ATL1: variants seen among roughly 807,000 people sequenced by gnomAD.
ATL1 encodes the protein atlastin-1.
A neutral mutation model predicts 75.5 loss-of-function variants in ATL1; 31 were observed. The ratio of observed to expected loss-of-function variants is 0.41; its 90% CI spans 0.31 to 0.55. The LOEUF is 0.55. Ranked by LOEUF, ATL1 falls within the 20% of genes least tolerant of loss-of-function variation. The pLI is 0.27. For synonymous variants in ATL1, 226 were observed against 233.3 expected (o/e 0.97, Z 0.28); for missense variants, 405 against 662.6 (o/e 0.61, Z 4.27).
chr14:50,560,150 C>T lies in ATL1; in HGVS notation c.-116C>T. 7 of 1,251,014 alleles carry T rather than the reference C, an allele frequency of 5.6e-6. No individual in the cohort carries two copies. Among genetic ancestry groups the T allele is most frequent in the Non-Finnish European group, 8.0e-6 (7 of 871,154 alleles). 77.5% of individuals were successfully genotyped at this position (1,251,014 alleles called of 1,614,324 possible). ...AGCGCCACAGCAACATCCTCAGAGT[C>T]TGAGCGAACTGCGCCCAGCGCGGGC... On this transcript the variant is annotated 5_prime_UTR_variant, in exon 1 of 14. Coordinates refer to ENST00000358385, the MANE Select transcript of ATL1 (RefSeq NM_015915.5).
intron 6 of ATL1, among the ~76,000 whole-genome samples, chr14:50,598,724 A>G (rs2039244801): frequency 6.6e-6 from 1 of 152,222 alleles, no homozygotes; most frequent in African/African-American, 2.4e-5. Context: ...AAAAAGCCAT[A>G]GCAATGAAAA....
At chr14:50,595,211 G>T (rs2039202742) in intron 5 of ATL1, among the ~76,000 whole-genome samples, 1 of 151,738 alleles carries the variant, frequency 6.6e-6, no homozygotes, top group Non-Finnish European at 1.5e-5. Flanking sequence ...GCTTCTAAAG[G>T]TCATTTAGCA....
rs370564345 is a variant in ATL1, at chr14:50,601,953, A to G, written c.630+6321A>G. On this transcript the variant is annotated intron_variant, in intron 6 of 13. Coordinates refer to ENST00000358385, the MANE Select transcript of ATL1 (RefSeq NM_015915.5). Reference sequence around the variant, plus strand: ...GAAAATGTCTTGTCACGTGCGATAGATTTGTGTCTATATTGGTATGTTATG... The same window carrying G: ...GAAAATGTCTTGTCACGTGCGATAGGTTTGTGTCTATATTGGTATGTTATG... Among the ~76,000 whole-genome samples, 15 of 152,200 alleles carry G rather than the reference A, an allele frequency of 9.9e-5. No individual in the cohort carries two copies. In the East Asian group the frequency reaches 2.1e-3, roughly 22 times the overall value.
intron 4 of ATL1, among the ~76,000 whole-genome samples, chr14:50,593,219 CT>C (rs1245645263): frequency 6.6e-6 from 1 of 151,720 alleles, no homozygotes; most frequent in African/African-American, 2.4e-5. Context: ...TTAGTAATGA[CT>C]TTTTTTAATT....
chr14:50,565,248 C>A (rs2038892086), intron 1 of ATL1, among the ~76,000 whole-genome samples: 1 of 152,114 alleles, frequency 6.6e-6, no homozygotes, highest in Non-Finnish European at 1.5e-5. Flanking sequence ...CGAGATCGCA[C>A]TACTGCACTC....
chr14:50,603,103 G>A (rs2039286104), intron 6 of ATL1, among the ~76,000 whole-genome samples: 1 of 152,042 alleles, frequency 6.6e-6, no homozygotes, highest in Non-Finnish European at 1.5e-5. Flanking sequence ...CCTGTAATAG[G>A]AAAGTAGGAA....
intron 2 of ATL1, among the ~76,000 whole-genome samples, chr14:50,588,482 T>G (rs1250999728): frequency 2.0e-5 from 3 of 152,220 alleles, no homozygotes; most frequent in Admixed American, 6.5e-5. Context: ...CATCTTGGTA[T>G]CCACCACCCA....
intron 1 of ATL1, among the ~76,000 whole-genome samples, chr14:50,547,999 G>A (rs2038655253): frequency 6.6e-6 from 1 of 152,052 alleles, no homozygotes; most frequent in Non-Finnish European, 1.5e-5. Flanking sequence ...ATGATATCAT[G>A]CTAACCTCAG....
At chr14:50,557,293 C>A (rs890281223), upstream of ATL1, among the ~76,000 whole-genome samples, 1 of 152,220 alleles carries the variant, frequency 6.6e-6, no homozygotes, top group African/African-American at 2.4e-5. Context: ...CCCTACTACC[C>A]TCTTCCCATT....
At chr14:50,535,047 C>T (rs1372703576) in intron 1 of ATL1, among the ~76,000 whole-genome samples, 1 of 152,200 alleles carries the variant, frequency 6.6e-6, no homozygotes, top group Non-Finnish European at 1.5e-5. Context: ...ATAAATATGG[C>T]TTGATAGGTC....
At chr14:50,570,566 A>G (rs1192373054) in intron 1 of ATL1, among the ~76,000 whole-genome samples, 1 of 151,850 alleles carries the variant, frequency 6.6e-6, no homozygotes, top group Non-Finnish European at 1.5e-5. Flanking sequence ...GTTTATTTTT[A>G]GGTTTCCTGT....
At chr14:50,590,261 G>T (rs971221725) in intron 2 of ATL1, among the ~76,000 whole-genome samples, 4 of 152,206 alleles carry the variant, frequency 2.6e-5, no homozygotes, top group African/African-American at 9.6e-5. Flanking sequence ...TTCTAGAATA[G>T]TATCTTTCTA....
intron 1 of ATL1, among the ~76,000 whole-genome samples, chr14:50,568,330 A>G (rs1295079126): frequency 6.6e-6 from 1 of 152,048 alleles, no homozygotes; most frequent in Admixed American, 6.6e-5. Flanking sequence ...CAGGAGTTTG[A>G]GGCTATAATG....
intron 1 of ATL1, among the ~76,000 whole-genome samples, chr14:50,573,104 C>G (rs1262876939): frequency 6.6e-6 from 1 of 152,150 alleles, no homozygotes; most frequent in Non-Finnish European, 1.5e-5. Flanking sequence ...CTAATCACCT[C>G]CCACGAGGTC....
intron 6 of ATL1, among the ~76,000 whole-genome samples, chr14:50,607,374 G>GC (rs570893585): frequency 5.7e-4 from 86 of 152,156 alleles, no homozygotes; most frequent in African/African-American, 1.4e-3. Context: ...CCACATGTAG[G>GC]CGTCAGGGGC....
intron 11 of ATL1, among the ~76,000 whole-genome samples, chr14:50,624,581 T>C (rs2039499142): frequency 6.6e-6 from 1 of 152,012 alleles, no homozygotes; most frequent in Non-Finnish European, 1.5e-5. Flanking sequence ...AATAGGCCAA[T>C]TAATAACCCC....
intron 11 of ATL1, among the ~76,000 whole-genome samples, chr14:50,626,865 T>C (rs2039525855): frequency 1.3e-5 from 2 of 152,234 alleles, no homozygotes; most frequent in South Asian, 4.1e-4. Context: ...ACTGCTTTAT[T>C]TGTACCCATT....
At chr14:50,547,971 CTG>C (rs2038654905) in intron 1 of ATL1, among the ~76,000 whole-genome samples, 8 of 152,162 alleles carry the variant, frequency 5.3e-5, no homozygotes, top group Admixed American at 5.2e-4. Context: ...GCCTCAGTCT[CTG>C]TGTTTCACTG....
chr14:50,608,555 G>A (rs945545416), intron 6 of ATL1, among the ~76,000 whole-genome samples: 10 of 152,056 alleles, frequency 6.6e-5, no homozygotes, highest in Non-Finnish European at 8.8e-5. Context: ...GAGTTGGAAC[G>A]TTGCCATTAA....
Sources: allele counts gnomAD v4.1 joint callset (sites outside exome capture counted in the v4.1 genomes callset), GRCh38; gene constraint gnomAD v4.1.1; transcripts MANE v1.5; gene names NCBI Gene and HGNC (gene_info 2026-07-23, HGNC 2026-07-21).